The following CELF4 variants were observed in gnomAD, a reference collection of about 807,000 sequenced individuals.
The protein encoded by CELF4 is CUGBP Elav-like family member 4, also known as CUG-BP- and ETR-3-like factor 4.
A neutral mutation model predicts 59.9 loss-of-function variants in CELF4; 18 were observed. The ratio of observed to expected loss-of-function variants is 0.30; its 90% CI spans 0.21 to 0.45. The LOEUF is 0.45. CELF4 is among the 20% of genes least tolerant of loss of function. CELF4 has a pLI of 1.00. For missense variants in CELF4, 456 were observed against 689.0 expected (o/e 0.66, Z 3.79); for synonymous variants, 261 against 267.1 (o/e 0.98, Z 0.22).
At chr18:37,470,887 T>TGTGAGAGAGAGAGAGAGAGA (rs1325788685) in intron 2 of CELF4, among the ~76,000 whole-genome samples, 7 of 71,926 alleles carry the variant, frequency 9.7e-5, no homozygotes, top group African/African-American at 2.2e-4. Context: ...TGTGTGTGTG[T>TGTGAGAGAGAGAGAGAGAGA]GACAGAGAGA....
intron 1 of CELF4, among the ~76,000 whole-genome samples, chr18:37,486,204 AC>A (rs1483715628): frequency 6.6e-6 from 1 of 151,764 alleles, no homozygotes; most frequent in Non-Finnish European, 1.5e-5. Context: ...TGGTCTTCAC[AC>A]CCCTCCAAGT....
chr18:37,317,746 C>G (rs1192572569), intron 3 of CELF4, among the ~76,000 whole-genome samples: 1 of 152,188 alleles, frequency 6.6e-6, no homozygotes. Context: ...AGGACAGTGG[C>G]CTGTCAGCCT....
intron 12 of CELF4, among the ~76,000 whole-genome samples, chr18:37,249,595 T>C (rs2064173959): frequency 6.6e-6 from 1 of 152,130 alleles, no homozygotes; most frequent in Non-Finnish European, 1.5e-5. Context: ...ACTCAGTCCC[T>C]GAGGAGCCCC....
chr18:37,488,834 A>G lies in CELF4; in HGVS notation c.287-3227T>C, dbSNP rs535152953. On this transcript the variant is annotated intron_variant, in intron 1 of 12. Coordinates refer to ENST00000420428, the MANE Select transcript of CELF4 (RefSeq NM_020180.4). ...GGTGGAAAGGGAATGTATTTGTGAA[A>G]GGAATGGAGATGAAAGAAGGAAGCA... is the stretch of plus-strand genomic sequence containing the variant. 4.1e-4 allele frequency among the ~76,000 whole-genome samples: 62 copies of G among 152,314 alleles called. 2 individuals carry two copies. The highest frequency in any genetic ancestry group is 3.7e-3 in the South Asian group (18 of 4,826).
chr18:37,476,197 A>G (rs1484743207), intron 2 of CELF4, among the ~76,000 whole-genome samples: 2 of 152,252 alleles, frequency 1.3e-5, no homozygotes, highest in Non-Finnish European at 2.9e-5. Flanking sequence ...CAGACCTGGA[A>G]AGGTTGGGTG....
At chr18:37,548,585 A>AGCTGATAGGGGT (rs1039081727) in intron 1 of CELF4, among the ~76,000 whole-genome samples, 1 of 152,110 alleles carries the variant, frequency 6.6e-6, no homozygotes, top group Non-Finnish European at 1.5e-5. Context: ...GGACCCTCAG[A>AGCTGATAGGGGT]GCTGATAGGG....
At chr18:37,391,236 G>C (rs549400436) in intron 2 of CELF4, among the ~76,000 whole-genome samples, 1 of 152,300 alleles carries the variant, frequency 6.6e-6, no homozygotes, top group African/African-American at 2.4e-5. Flanking sequence ...GTCTCCTGAG[G>C]GGGCAGAGGG....
chr18:37,423,055 C>CGT (rs1461941749), intron 2 of CELF4, among the ~76,000 whole-genome samples: 1,266 of 82,430 alleles, frequency 0.015, 19 homozygotes, highest in African/African-American at 0.042. Flanking sequence ...TAGACACATG[C>CGT]GCGCGCGCGC....
At chr18:37,505,717 A>T (rs951766843) in intron 1 of CELF4, among the ~76,000 whole-genome samples, 2 of 152,094 alleles carry the variant, frequency 1.3e-5, no homozygotes, top group Admixed American at 1.3e-4. Flanking sequence ...TGGCTATGTG[A>T]TGTTGGAGGA....
intron 3 of CELF4, among the ~76,000 whole-genome samples, chr18:37,281,299 C>T (rs930673260): frequency 5.3e-5 from 8 of 152,224 alleles, no homozygotes; most frequent in African/African-American, 1.9e-4. Context: ...AGCATCCTGG[C>T]ACTAATGCTC....
intron 2 of CELF4, among the ~76,000 whole-genome samples, chr18:37,481,623 C>T (rs1218366310): frequency 6.6e-6 from 1 of 152,220 alleles, no homozygotes; most frequent in Non-Finnish European, 1.5e-5. Context: ...TGGGCCTCTC[C>T]TGCCCTGTGT....
intron 1 of CELF4, among the ~76,000 whole-genome samples, chr18:37,542,258 C>T (rs2099978349): frequency 6.6e-6 from 1 of 152,230 alleles, no homozygotes; most frequent in South Asian, 2.1e-4. Context: ...ATGCTCCTTA[C>T]TTAAACAAAC....
At chr18:37,286,575 G>C (rs1034073855) in intron 3 of CELF4, among the ~76,000 whole-genome samples, 1 of 152,152 alleles carries the variant, frequency 6.6e-6, no homozygotes, top group African/African-American at 2.4e-5. Context: ...CCCACAGCCC[G>C]TTTTTAATAT....
At chr18:37,318,280 C>A (rs1035595541) in intron 3 of CELF4, among the ~76,000 whole-genome samples, 3 of 151,634 alleles carry the variant, frequency 2.0e-5, no homozygotes, top group Non-Finnish European at 4.4e-5. Flanking sequence ...CCTCGCTCCC[C>A]CTCCTCCTCC....
chr18:37,474,973 G>A (rs2099844672), intron 2 of CELF4, among the ~76,000 whole-genome samples: 3 of 152,304 alleles, frequency 2.0e-5, no homozygotes, highest in Admixed American at 6.5e-5. Flanking sequence ...GCACAACCTC[G>A]GCCACAGCCT....
intron 2 of CELF4, among the ~76,000 whole-genome samples, chr18:37,351,608 CTTCTTTT>C (rs1311018660): frequency 3.3e-5 from 3 of 89,846 alleles, no homozygotes; most frequent in Non-Finnish European, 6.5e-5. Flanking sequence ...TTTTCTTCTT[CTTCTTTT>C]TTTTTTTTTT....
intron 1 of CELF4, among the ~76,000 whole-genome samples, chr18:37,528,517 T>A (rs2099966222): frequency 6.6e-6 from 1 of 152,242 alleles, no homozygotes; most frequent in Non-Finnish European, 1.5e-5. Flanking sequence ...GAAGTAGATT[T>A]ATGTACATGC....
chr18:37,464,714 G>A (rs1401308478), intron 2 of CELF4, among the ~76,000 whole-genome samples: 2 of 152,186 alleles, frequency 1.3e-5, no homozygotes, highest in African/African-American at 2.4e-5. Flanking sequence ...GCATCTCACA[G>A]ATGGGGAGTG....
chr18:37,478,172 A>G (rs1004817988), intron 2 of CELF4, among the ~76,000 whole-genome samples: 2 of 152,132 alleles, frequency 1.3e-5, no homozygotes, highest in African/African-American at 2.4e-5. Context: ...TTATTCTTAG[A>G]AATATAAAGA....
Sources: allele counts gnomAD v4.1 joint callset (sites outside exome capture counted in the v4.1 genomes callset), GRCh38; gene constraint gnomAD v4.1.1; transcripts MANE v1.5; gene names NCBI Gene and HGNC (gene_info 2026-07-23, HGNC 2026-07-21).